TOX3: variants seen among roughly 807,000 people sequenced by gnomAD.
The protein encoded by TOX3 is TOX high mobility group box family member 3, also known as CAG trinucleotide repeat-containing gene F9 protein.
In TOX3, 22 loss-of-function variants were observed where a neutral mutation model predicts 64.3. The observed-to-expected ratio is 0.34, with a 90% CI of 0.24 to 0.49. The LOEUF is 0.49. Among genes scored for constraint, TOX3 ranks in the 20% least tolerant of loss-of-function variants. TOX3 has a pLI of 0.99. For missense variants in TOX3, 661 were observed against 714.4 expected (o/e 0.93, Z 0.85); for synonymous variants, 291 against 273.6 (o/e 1.06, Z -0.63).
chr16:52,440,202 A>ATGAC, intron 6 of TOX3, among the ~76,000 whole-genome samples: 1 of 152,136 alleles, frequency 6.6e-6, no homozygotes, highest in Non-Finnish European at 1.5e-5. Flanking sequence ...ACAGAATGTG[A>ATGAC]TGACAGTGAT....
intron 1 of TOX3, among the ~76,000 whole-genome samples, chr16:52,533,551 C>A (rs1220841290): frequency 6.6e-6 from 1 of 152,134 alleles, no homozygotes; most frequent in Non-Finnish European, 1.5e-5. Context: ...GCAAGGTCTC[C>A]AGTGAGATTT....
intron 1 of TOX3, among the ~76,000 whole-genome samples, chr16:52,511,056 T>G (rs1962295926): frequency 6.6e-6 from 1 of 152,118 alleles, no homozygotes; most frequent in South Asian, 2.1e-4. Context: ...CTGGGGGTAA[T>G]GCTAAGGGGA....
intron 1 of TOX3, among the ~76,000 whole-genome samples, chr16:52,470,299 C>T (rs544701475): frequency 1.3e-5 from 2 of 152,158 alleles, no homozygotes; most frequent in African/African-American, 4.8e-5. Context: ...AACCTGGGCT[C>T]GAGATGAGTA....
intron 5 of TOX3, chr16:52,445,589 C>G (rs1960139264): frequency 6.4e-6 from 1 of 156,348 alleles, no homozygotes; most frequent in Non-Finnish European, 1.4e-5. Flanking sequence ...AGTTTGGAAA[C>G]CCACCAGGAC....
intron 1 of TOX3, among the ~76,000 whole-genome samples, chr16:52,486,521 A>G (rs1427996423): frequency 2.0e-5 from 3 of 152,316 alleles, no homozygotes; most frequent in Admixed American, 6.5e-5. Flanking sequence ...ACATGCATGT[A>G]CCTACACAGA....
chr16:52,525,325 G>T (rs572130921), intron 1 of TOX3, among the ~76,000 whole-genome samples: 10 of 152,212 alleles, frequency 6.6e-5, no homozygotes, highest in African/African-American at 2.4e-4. Context: ...GAAAGGGAAT[G>T]GAAGAAAACC....
At chr16:52,538,970 T>A (rs995260990) in intron 1 of TOX3, among the ~76,000 whole-genome samples, 1 of 147,720 alleles carries the variant, frequency 6.8e-6, no homozygotes, top group Non-Finnish European at 1.5e-5. Context: ...AGGATTTTTC[T>A]TTTTTTTTTA....
chr16:52,534,397 C>T (rs1006867484), intron 1 of TOX3, among the ~76,000 whole-genome samples: 2 of 152,034 alleles, frequency 1.3e-5, no homozygotes, highest in East Asian at 3.9e-4. Flanking sequence ...CAACTCTTTG[C>T]AGGGCCATGG....
At chr16:52,512,542 A>G (rs1219118773) in intron 1 of TOX3, among the ~76,000 whole-genome samples, 1 of 152,210 alleles carries the variant, frequency 6.6e-6, no homozygotes, top group African/African-American at 2.4e-5. Flanking sequence ...GTTAGTGACA[A>G]AAGAGGCCAA....
intron 1 of TOX3, among the ~76,000 whole-genome samples, chr16:52,486,242 TC>T (rs1157048502): frequency 6.6e-6 from 1 of 151,838 alleles, no homozygotes; most frequent in East Asian, 1.9e-4. Context: ...AAGACACGGA[TC>T]CCAAAAAGGA....
intron 1 of TOX3, among the ~76,000 whole-genome samples, chr16:52,474,915 C>A (rs1484648080): frequency 6.6e-6 from 1 of 152,150 alleles, no homozygotes. Flanking sequence ...ACTCCTCTAG[C>A]CTACTGGCTT....
chr16:52,523,569 C>T (rs1025374366), intron 1 of TOX3, among the ~76,000 whole-genome samples: 1 of 152,138 alleles, frequency 6.6e-6, no homozygotes, highest in Admixed American at 6.5e-5. Context: ...ACAGGAACCA[C>T]GTTTAACATC....
chr16:52,514,598 A>G (rs950487170), intron 1 of TOX3, among the ~76,000 whole-genome samples: 2 of 152,204 alleles, frequency 1.3e-5, no homozygotes, highest in Admixed American at 1.3e-4. Context: ...GGATGAGTAT[A>G]TTGGAAGAAG....
At chr16:52,470,014 C>T (rs1960994149) in intron 1 of TOX3, among the ~76,000 whole-genome samples, 1 of 152,188 alleles carries the variant, frequency 6.6e-6, no homozygotes, top group African/African-American at 2.4e-5. Context: ...AGGTAAATAT[C>T]TTTATAAGGA....
Position 52,437,721 on chromosome 16 carries a change from C to A in TOX3, c.*1504G>T, listed in dbSNP as rs1479269812. ...TTTAATCGCAATAACATTACAATAC[C>A]CAGCTAGTTCTAGCCCCCTCAAAAA... On this transcript the variant is annotated 3_prime_UTR_variant, in exon 7 of 7. Coordinates refer to ENST00000219746, the MANE Select transcript of TOX3 (RefSeq NM_001080430.4). Among the ~76,000 whole-genome samples the A allele has an allele frequency of 6.7e-6, 1 of 149,794 alleles. No homozygotes were observed. The highest frequency in any genetic ancestry group is 1.5e-5 in the Non-Finnish European group (1 of 67,756).
At chr16:52,440,279 C>T (rs1418253256) in intron 6 of TOX3, among the ~76,000 whole-genome samples, 1 of 152,106 alleles carries the variant, frequency 6.6e-6, no homozygotes, top group African/African-American at 2.4e-5. Flanking sequence ...AGACATGTGG[C>T]CCAATTACCC....
At chr16:52,447,605 A>G (rs1960200330) in intron 4 of TOX3, among the ~76,000 whole-genome samples, 1 of 152,170 alleles carries the variant, frequency 6.6e-6, no homozygotes, top group African/African-American at 2.4e-5. Context: ...GTTTTAAGTC[A>G]TATCTCACTT....
At chr16:52,440,584 G>A (rs950335742) in intron 6 of TOX3, among the ~76,000 whole-genome samples, 2 of 151,974 alleles carry the variant, frequency 1.3e-5, no homozygotes, top group East Asian at 1.9e-4. Context: ...CTGTACTAAC[G>A]ACTTTACCAT....
chr16:52,474,932 G>T (rs1207258330), intron 1 of TOX3, among the ~76,000 whole-genome samples: 2 of 151,926 alleles, frequency 1.3e-5, no homozygotes, highest in Non-Finnish European at 2.9e-5. Flanking sequence ...GCTTCCTATT[G>T]TTCCTTCACC....
Sources: allele counts gnomAD v4.1 joint callset (sites outside exome capture counted in the v4.1 genomes callset), GRCh38; gene constraint gnomAD v4.1.1; transcripts MANE v1.5; gene names NCBI Gene and HGNC (gene_info 2026-07-23, HGNC 2026-07-21).